The following UBE2D2 variants were observed in gnomAD, a reference collection of about 807,000 sequenced individuals.
The protein encoded by UBE2D2 is ubiquitin conjugating enzyme E2 D2.
UBE2D2 carries 2 observed loss-of-function variants against 24.2 expected under a neutral mutation model. That is an observed-to-expected ratio of 0.08 (90% confidence interval 0.03 to 0.26). The LOEUF is 0.26. Ranked by LOEUF, UBE2D2 falls within the 10% of genes least tolerant of loss-of-function variation. UBE2D2 has a pLI of 1.00. For missense variants in UBE2D2, 44 were observed against 177.6 expected, an observed-to-expected ratio of 0.25 and a Z score of 4.28; for synonymous variants, 58 against 56.5, an observed-to-expected ratio of 1.03 and a Z score of -0.12.
upstream of UBE2D2, among the ~76,000 whole-genome samples, chr5:139,559,202 G>T (rs193025222): frequency 5.8e-3 from 882 of 152,136 alleles, 11 homozygotes; most frequent in African/African-American, 0.018. Flanking sequence ...CGAGGCGGGC[G>T]GATCACGAGG....
At chr5:139,571,059 G>T (rs951789839) in intron 1 of UBE2D2, among the ~76,000 whole-genome samples, 3 of 152,156 alleles carry the variant, frequency 2.0e-5, no homozygotes, top group African/African-American at 7.2e-5. Flanking sequence ...TACCTGTTCT[G>T]CAGAGAAAAT....
chr5:139,542,985 C>T (rs939639158), intron 1 of UBE2D2, among the ~76,000 whole-genome samples: 9 of 152,314 alleles, frequency 5.9e-5, no homozygotes, highest in African/African-American at 2.2e-4. Context: ...CAACCTCTGC[C>T]TCCCAGGTTC....
chr5:139,605,653 A>G (rs983993907), intron 2 of UBE2D2, among the ~76,000 whole-genome samples: 1 of 148,114 alleles, frequency 6.8e-6, no homozygotes, highest in Non-Finnish European at 1.5e-5. Flanking sequence ...TTTAATGGCC[A>G]TATATCTGTT....
upstream of UBE2D2, among the ~76,000 whole-genome samples, chr5:139,558,567 C>T (rs1350181385): frequency 1.3e-5 from 2 of 152,114 alleles, no homozygotes; most frequent in Admixed American, 1.3e-4. Context: ...GGATTACAGG[C>T]GTGAGCCACC....
intron 5 of UBE2D2, among the ~76,000 whole-genome samples, chr5:139,621,115 G>A (rs975915830): frequency 6.6e-6 from 1 of 152,158 alleles, no homozygotes; most frequent in East Asian, 1.9e-4. Context: ...ACACATGGTG[G>A]CACTCACCTG....
intron 1 of UBE2D2, among the ~76,000 whole-genome samples, chr5:139,582,257 C>G (rs991337464): frequency 6.7e-6 from 1 of 150,244 alleles, no homozygotes; most frequent in Non-Finnish European, 1.5e-5. Context: ...GGATTATAGG[C>G]CTTACACAAT....
intron 1 of UBE2D2, among the ~76,000 whole-genome samples, chr5:139,580,815 G>A (rs2126665096): frequency 6.6e-6 from 1 of 152,222 alleles, no homozygotes; most frequent in Admixed American, 6.5e-5. Context: ...CAGCTCACTC[G>A]GGATGCTAAG....
In UBE2D2 at chr5:139,627,524, T is replaced by G. The variant is rs1754658129; in HGVS notation, c.*723T>G. 1 of 152,712 alleles carries G rather than the reference T, an allele frequency of 6.5e-6. No individual in the cohort carries two copies. Among genetic ancestry groups the G allele is most frequent in the Non-Finnish European group, 1.5e-5 (1 of 68,056 alleles). The allele number at this position is 152,712 out of a possible 1,614,324, so 9.5% of individuals were successfully genotyped here. A position where few individuals can be genotyped will look rare whatever the true frequency, so the allele number is the denominator to read the frequency against. ...CAGTTAATACATAGCTAATAGCTCTTATTTTTCTTATGTTTTTAACCGCTT... is the reference window on the plus strand; with the variant it reads ...CAGTTAATACATAGCTAATAGCTCTGATTTTTCTTATGTTTTTAACCGCTT... On this transcript the variant is annotated 3_prime_UTR_variant, in exon 7 of 7. Transcript: ENST00000398733.
chr5:139,610,281 G>A (rs766629315), intron 2 of UBE2D2, among the ~76,000 whole-genome samples: 20 of 151,200 alleles, frequency 1.3e-4, no homozygotes, highest in African/African-American at 3.9e-4. Context: ...AGTGGCTCAC[G>A]CCTGTAATCC....
At chr5:139,578,819 T>C (rs1369896106) in intron 1 of UBE2D2, among the ~76,000 whole-genome samples, 2 of 152,184 alleles carry the variant, frequency 1.3e-5, no homozygotes, top group Non-Finnish European at 2.9e-5. Flanking sequence ...TGCCTTTCCA[T>C]GTACCTTATT....
At chr5:139,569,324 C>T (rs1753304666) in intron 1 of UBE2D2, among the ~76,000 whole-genome samples, 2 of 152,038 alleles carry the variant, frequency 1.3e-5, no homozygotes, top group South Asian at 2.1e-4. Context: ...AAACAGCCAT[C>T]GAGGATAACT....
chr5:139,562,477 A>G, intron 1 of UBE2D2: 1 of 1,259,568 alleles, frequency 7.9e-7, no homozygotes, highest in Non-Finnish European at 1.0e-6. Flanking sequence ...GTATGTAGTT[A>G]GAAACTAACA....
At chr5:139,559,445 T>A (rs1402458920), upstream of UBE2D2, among the ~76,000 whole-genome samples, 1 of 149,936 alleles carries the variant, frequency 6.7e-6, no homozygotes, top group Non-Finnish European at 1.5e-5. Flanking sequence ...AAAAAAGAAA[T>A]CTGTCCAGTG....
chr5:139,549,760 G>GC lies in UBE2D2; in HGVS notation c.-64+23152dup, dbSNP rs1354792525. Among the ~76,000 whole-genome samples the GC allele has an allele frequency of 5.3e-5, 8 of 152,214 alleles. No homozygotes were observed. The East Asian group carries it at 1.5e-3, about 29-fold the overall frequency. On this transcript the variant is annotated intron_variant, in intron 1 of 6. Transcript: ENST00000511725. The stretch of plus-strand genomic sequence containing the variant: ...CAGAGCGGGACTAGCGGGCAACTCC[G>GC]CCCCGGCCCAGCACAGGATCCACTA...
intron 1 of UBE2D2, among the ~76,000 whole-genome samples, chr5:139,548,269 A>C (rs1752865428): frequency 6.6e-6 from 1 of 151,134 alleles, no homozygotes. Flanking sequence ...GGCAACTCAT[A>C]TATGCACGGC....
At chr5:139,604,429 C>G (rs1461750556) in intron 2 of UBE2D2, among the ~76,000 whole-genome samples, 1 of 152,108 alleles carries the variant, frequency 6.6e-6, no homozygotes, top group East Asian at 1.9e-4. Context: ...TGAGCCACCC[C>G]ACCCAGCTGT....
intron 6 of UBE2D2, among the ~76,000 whole-genome samples, chr5:139,624,615 G>A (rs539885153): frequency 3.9e-5 from 6 of 152,372 alleles, no homozygotes; most frequent in Admixed American, 2.6e-4. Flanking sequence ...GTGAAACCCC[G>A]TCTCTACTAA....
chr5:139,577,234 T>G (rs1024297692), intron 1 of UBE2D2, among the ~76,000 whole-genome samples: 1 of 152,022 alleles, frequency 6.6e-6, no homozygotes, highest in African/African-American at 2.4e-5. Context: ...ACTTTTAAGT[T>G]TCAAGGATTT....
At chr5:139,544,242 C>T (rs1218473234) in intron 1 of UBE2D2, among the ~76,000 whole-genome samples, 1 of 150,990 alleles carries the variant, frequency 6.6e-6, no homozygotes, top group Non-Finnish European at 1.5e-5. Context: ...GCAGTCCTCC[C>T]ACCTCAGCCT....
Sources: gnomAD v4.1 joint callset for allele counts (sites outside exome capture counted in the v4.1 genomes callset) on GRCh38, gnomAD v4.1.1 for gene constraint, MANE v1.5 for transcripts, NCBI Gene and HGNC (gene_info 2026-07-23, HGNC 2026-07-21) for gene names.